The following MID1 variants were observed in gnomAD, a reference collection of about 807,000 sequenced individuals.
MID1 encodes midline 1, also known as E3 ubiquitin-protein ligase Midline-1.
A neutral mutation model predicts 40.4 loss-of-function variants in MID1; 7 were observed. That is an observed-to-expected ratio of 0.17 (90% CI 0.10 to 0.33). The LOEUF (loss-of-function observed/expected upper bound fraction) is 0.33. MID1 is among the 10% of genes least tolerant of loss of function. The probability of loss-of-function intolerance (pLI) is 1.00; values close to 1 mark genes in which losing one functional copy is unlikely to be tolerated. For synonymous variants in MID1, 229 were observed against 221.2 expected, an observed-to-expected ratio of 1.04 and a Z score of -0.31; for missense variants, 367 against 558.5, an observed-to-expected ratio of 0.66 and a Z score of 3.46.
intron 6 of MID1, among the ~76,000 whole-genome samples, chrX:10,474,288 G>A: frequency 8.9e-6 from 1 of 111,915 alleles, no homozygotes; most frequent in Non-Finnish European, 1.9e-5. Context: ...TTTTTTCTCT[G>A]CCAATGTATT....
chrX:10,813,236 T>A (rs1385374301), intron 1 of MID1, among the ~76,000 whole-genome samples: 5 of 110,032 alleles, frequency 4.5e-5, no homozygotes, highest in Non-Finnish European at 1.9e-5. Flanking sequence ...CCAATGCCTC[T>A]TTGTAGATTC....
intron 1 of MID1, among the ~76,000 whole-genome samples, chrX:10,650,270 AAT>A (rs1226810904): frequency 2.7e-5 from 3 of 110,849 alleles, no homozygotes; most frequent in African/African-American, 9.9e-5. Context: ...GGCCTTTAGA[AAT>A]CAACAGATAA....
intron 2 of MID1, among the ~76,000 whole-genome samples, chrX:10,563,219 C>T (rs775835273): frequency 1.2e-4 from 13 of 111,674 alleles, no homozygotes; most frequent in Non-Finnish European, 1.9e-4. Flanking sequence ...TGGGATGATC[C>T]GTTGAAACAT....
At chrX:10,764,251 T>C (rs997137887) in intron 1 of MID1, among the ~76,000 whole-genome samples, 1 of 111,757 alleles carries the variant, frequency 8.9e-6, no homozygotes, top group Non-Finnish European at 1.9e-5. Flanking sequence ...CATGCCTATG[T>C]CCTGAATGGT....
At chrX:10,782,001 T>C (rs2043849919) in intron 1 of MID1, among the ~76,000 whole-genome samples, 1 of 112,040 alleles carries the variant, frequency 8.9e-6, no homozygotes, top group Non-Finnish European at 1.9e-5. Flanking sequence ...CTTTTTTGTG[T>C]GTGGAACAAT....
intron 1 of MID1, among the ~76,000 whole-genome samples, chrX:10,636,817 T>TAC (rs1936123059): frequency 3.5e-5 from 3 of 86,026 alleles, no homozygotes; most frequent in Non-Finnish European, 6.9e-5. Flanking sequence ...TATATATATA[T>TAC]ACACCACTGG....
At chrX:10,631,682 T>C (rs1936053844) in intron 1 of MID1, among the ~76,000 whole-genome samples, 1 of 112,402 alleles carries the variant, frequency 8.9e-6, no homozygotes, top group Non-Finnish European at 1.9e-5. Flanking sequence ...TCTCCAGCTC[T>C]ATTTTGGGTA....
chrX:10,817,514 C>CTCTTTCTTTCTTTTTT, intron 1 of MID1, among the ~76,000 whole-genome samples: 2 of 80,438 alleles, frequency 2.5e-5, no homozygotes, highest in Middle Eastern at 0.013. Context: ...TTCTTTTTTT[C>CTCTTTCTTTCTTTTTT]TCTTTCTTTC....
intron 1 of MID1, among the ~76,000 whole-genome samples, chrX:10,776,979 A>T (rs2043807164): frequency 9.0e-6 from 1 of 111,248 alleles, no homozygotes; most frequent in Non-Finnish European, 1.9e-5. Flanking sequence ...GCATAGATGG[A>T]AAGGTACGTG....
chrX:10,524,476 C>T (rs767290429), intron 2 of MID1, among the ~76,000 whole-genome samples: 46 of 112,235 alleles, frequency 4.1e-4, no homozygotes, highest in African/African-American at 1.4e-3. Flanking sequence ...GCATTCAAAG[C>T]GCTTCTGGGC....
chrX:10,654,080 A>G (rs950905657), intron 1 of MID1, among the ~76,000 whole-genome samples: 1 of 112,038 alleles, frequency 8.9e-6, no homozygotes. Flanking sequence ...CACAGCAGAG[A>G]TAGTCCTGGC....
At chrX:10,759,479 G>T (rs1473430747) in intron 1 of MID1, among the ~76,000 whole-genome samples, 1 of 111,395 alleles carries the variant, frequency 9.0e-6, no homozygotes, top group Admixed American at 9.5e-5. Context: ...CCAGTGACGG[G>T]TGAGATAATC....
chrX:10,638,349 G>T (rs1936145276), intron 1 of MID1, among the ~76,000 whole-genome samples: 1 of 112,390 alleles, frequency 8.9e-6, no homozygotes, highest in Non-Finnish European at 1.9e-5. Context: ...CGGCACACCA[G>T]GAGATTATAT....
intron 1 of MID1, among the ~76,000 whole-genome samples, chrX:10,593,398 TC>T (rs1211080647): frequency 3.6e-5 from 4 of 111,649 alleles, no homozygotes; most frequent in African/African-American, 1.3e-4. Flanking sequence ...ATGTCCTCCT[TC>T]CATGGTGCAG....
chrX:10,520,782 T>G (rs759836902), intron 3 of MID1, among the ~76,000 whole-genome samples: 8 of 111,167 alleles, frequency 7.2e-5, no homozygotes, highest in African/African-American at 2.3e-4. Flanking sequence ...TGCATCAGAG[T>G]CTGTGAGATA....
At chrX:10,731,643 C>A (rs2043449156) in intron 1 of MID1, among the ~76,000 whole-genome samples, 2 of 111,155 alleles carry the variant, frequency 1.8e-5, no homozygotes, top group South Asian at 7.6e-4. Flanking sequence ...TAAGTTTACA[C>A]CTTAGGTAGC....
rs150049119 is a variant in MID1, at chrX:10,657,685, G to C, written c.-186-37266C>G. On this transcript the variant is annotated intron_variant, in intron 1 of 10. Transcript: ENST00000380785. ...GGAATTTAATTTTTTTGTAATGTGT[G>C]ACTATTTAAACATTATTTTACAGAT... 3.6e-4 allele frequency among the ~76,000 whole-genome samples: 40 copies of C among 112,269 alleles called. No homozygotes were observed. In the East Asian group the frequency reaches 0.01, roughly 29 times the overall value.
intron 2 of MID1, among the ~76,000 whole-genome samples, chrX:10,536,119 G>A (rs1338206033): frequency 3.6e-5 from 4 of 110,815 alleles, no homozygotes; most frequent in Middle Eastern, 4.6e-3. Context: ...CAGCAACTCC[G>A]GAGGATGAGG....
chrX:10,693,006 C>G (rs1221454686), intron 1 of MID1, among the ~76,000 whole-genome samples: 1 of 111,305 alleles, frequency 9.0e-6, no homozygotes, highest in Non-Finnish European at 1.9e-5. Flanking sequence ...AACTCTTCCT[C>G]TAGCCTGACT....
Sources: allele counts gnomAD v4.1 joint callset (sites outside exome capture counted in the v4.1 genomes callset), GRCh38; gene constraint gnomAD v4.1.1; transcripts MANE v1.5; gene names NCBI Gene and HGNC (gene_info 2026-07-23, HGNC 2026-07-21).